Variants in HUWE1 observed in about 807,000 individuals in gnomAD.
HUWE1 encodes HECT, UBA and WWE domain containing E3 ubiquitin protein ligase 1.
Under a neutral mutation model 299.4 loss-of-function variants are expected in HUWE1, and 18 were observed. That is an observed-to-expected ratio of 0.06 (90% CI 0.04 to 0.09). The LOEUF (loss-of-function observed/expected upper bound fraction) is 0.09, where lower values mean the gene tolerates loss of function less well. Among genes scored for constraint, HUWE1 ranks in the 10% least tolerant of loss-of-function variants. HUWE1 has a pLI of 1.00. For missense variants in HUWE1, 1,832 were observed against 3,462.3 expected (o/e 0.53, Z 11.82); for synonymous variants, 1,317 against 1,286.1 (o/e 1.02, Z -0.51).
Position 53,534,177 on chromosome X carries a change from T to C in HUWE1, c.12852A>G (p.Ala4284=). ...NSIQIQWFWR[A]LRSFDQADRA... is the part of the protein sequence containing the mutation. ...GGTCAGCTTGATCGAAAGAACGCAA[T>C]GCTCTCCAGAACCACTGGATCTGTA... Residue 4284 remains alanine, a synonymous_variant, in exon 83 of 84, where the codon GCA becomes GCG. Coordinates refer to ENST00000262854, the MANE Select transcript of HUWE1 (RefSeq NM_031407.7). 4 of 1,209,959 alleles carry C rather than the reference T, an allele frequency of 3.3e-6. No individual in the cohort carries two copies. Among genetic ancestry groups the C allele is most frequent in the Non-Finnish European group, 4.5e-6 (4 of 894,456 alleles).
intron 17 of HUWE1, among the ~76,000 whole-genome samples, chrX:53,626,854 A>G: frequency 8.9e-6 from 1 of 111,753 alleles, no homozygotes; most frequent in Admixed American, 9.4e-5. Flanking sequence ...TTTCGTAAAG[A>G]CAAGATTTTT....
At chrX:53,568,477 A>G (rs2062675079) in intron 49 of HUWE1, among the ~76,000 whole-genome samples, 1 of 110,742 alleles carries the variant, frequency 9.0e-6, no homozygotes, top group Admixed American at 9.6e-5. Context: ...AGTGGGGGGA[A>G]GCTTGAAAAA....
chrX:53,619,825 A>G (rs2066029692), intron 19 of HUWE1, among the ~76,000 whole-genome samples: 1 of 111,632 alleles, frequency 9.0e-6, no homozygotes, highest in Non-Finnish European at 1.9e-5. Context: ...AGAAGAGAGT[A>G]AAGGAAGGCA....
intron 24 of HUWE1, among the ~76,000 whole-genome samples, chrX:53,608,559 G>C (rs2065271208): frequency 9.0e-6 from 1 of 111,570 alleles, no homozygotes; most frequent in Non-Finnish European, 1.9e-5. Flanking sequence ...GATTTGGGAT[G>C]ATCAGCCTGT....
chrX:53,668,538 C>T (rs900839375), intron 3 of HUWE1, among the ~76,000 whole-genome samples: 1 of 108,823 alleles, frequency 9.2e-6, no homozygotes, highest in African/African-American at 3.3e-5. Context: ...GCCTGGGAAA[C>T]AGACAGATCT....
Position 53,589,828 on chromosome X carries a change from G to C in HUWE1, c.4192-12C>G. The C allele has an allele frequency of 8.3e-7, 1 of 1,199,029 alleles. No individual in the cohort carries two copies. Among genetic ancestry groups the C allele is most frequent in the Non-Finnish European group, 1.1e-6 (1 of 887,568 alleles). Reference sequence around the variant, plus strand: ...CGGCAAGCAACTTCCTGGAAGCAGGGAAGGAAGTGTGAATAATACACAGGA... The same window carrying C: ...CGGCAAGCAACTTCCTGGAAGCAGGCAAGGAAGTGTGAATAATACACAGGA... On this transcript the variant is annotated splice_polypyrimidine_tract_variant and intron_variant, in intron 35 of 83. Transcript: ENST00000262854.
In HUWE1 at chrX:53,550,884, C is replaced by T; in HGVS notation, c.9385+17G>A. ...GCTAAAGCTTTCCAGAGCCCTCCCA[C>T]TTGCCTCCCTCTGTACCCGGGCTTC... is the stretch of plus-strand genomic sequence containing the variant. On this transcript the variant is annotated intron_variant, in intron 65 of 83. Coordinates refer to ENST00000262854, the MANE Select transcript of HUWE1 (RefSeq NM_031407.7). 8.3e-7 allele frequency: 1 copy of T among 1,211,508 alleles called. No homozygotes were observed. The highest frequency in any genetic ancestry group is 1.7e-5 in the African/African-American group (1 of 57,903).
At chrX:53,634,339 G>A in intron 7 of HUWE1, 41 bp from the exon 8 acceptor site, 2 of 1,035,285 alleles carry the variant, frequency 1.9e-6, no homozygotes, top group South Asian at 3.8e-5. Context: ...AGTGCTTATG[G>A]TGACTTTGCG....
At chrX:53,553,752 G>C (rs2147365647) in intron 61 of HUWE1, among the ~76,000 whole-genome samples, 1 of 109,866 alleles carries the variant, frequency 9.1e-6, no homozygotes, top group East Asian at 2.9e-4. Context: ...GGAGGTTGCA[G>C]TGAGCCAAGA....
chrX:53,685,020 C>T, intron 2 of HUWE1, among the ~76,000 whole-genome samples: 1 of 112,072 alleles, frequency 8.9e-6, no homozygotes, highest in Middle Eastern at 4.6e-3. Flanking sequence ...TTTAATATGG[C>T]AGTTTTTCCA....
intron 35 of HUWE1, among the ~76,000 whole-genome samples, 165 bp from the exon 36 acceptor site, chrX:53,589,981 A>T (rs1447810477): frequency 8.9e-6 from 1 of 112,156 alleles, no homozygotes; most frequent in African/African-American, 3.2e-5. Flanking sequence ...GTTTAAGGCA[A>T]GACAGGGAAG....
rs2067210850 is a variant in HUWE1 at position 53,636,391 on chromosome X, T to C, written c.505-2093A>G. Among the ~76,000 whole-genome samples, 4 of 112,606 alleles carry C rather than the reference T, an allele frequency of 3.6e-5. No individual in the cohort carries two copies. The South Asian group carries it at 1.1e-3, about 31-fold the overall frequency. The stretch of plus-strand genomic sequence containing the variant: ...GAAGTTTAAGGCAATGAGACAAGAA[T>C]CTGTAAAATACAAGGTTCGACATTC... On this transcript the variant is annotated intron_variant, in intron 7 of 83. Coordinates refer to ENST00000262854, the MANE Select transcript of HUWE1 (RefSeq NM_031407.7).
In HUWE1 at chrX:53,561,870, T is replaced by C. The variant is rs1221720423; in HGVS notation, c.7393A>G (p.Met2465Val). 8.3e-7 allele frequency: 1 copy of C among 1,209,427 alleles called. No homozygotes were observed. Among genetic ancestry groups the C allele is most frequent in the East Asian group, 3.0e-5 (1 of 33,745 alleles). ...DEDDDDDGSE[M>V]ELDEDYPDMN... is the part of the protein sequence containing the mutation. ...TCAGGATAATCCTCATCCAATTCCA[T>C]CTCAGAGCCATCGTCGTCATCGTCT... is the stretch of plus-strand genomic sequence containing the variant. The change falls in exon 55 of 84, where the codon ATG (methionine) becomes GTG (valine). Residue 2465 changes from methionine to valine, a missense_variant. By Grantham distance (21) the Met-to-Val change is conservative (BLOSUM62 1). Transcript: ENST00000262854.
chrX:53,536,015 G>A (rs2061043299), intron 80 of HUWE1, 132 bp downstream of exon 80: 1 of 455,833 alleles, frequency 2.2e-6, no homozygotes, highest in Non-Finnish European at 4.0e-6. Context: ...ACAAACACCT[G>A]CTACAGCTTT....
chrX:53,535,922 G>GTTT (rs34675759), intron 80 of HUWE1: 4,177 of 159,655 alleles, frequency 0.026, 9 homozygotes, highest in Middle Eastern at 0.041. Flanking sequence ...ATGTACTGGA[G>GTTT]TTTTTTTTTT....
At chrX:53,627,642 A>T in intron 16 of HUWE1, 97 bp downstream of exon 16, 1 of 892,967 alleles carries the variant, frequency 1.1e-6, no homozygotes. Flanking sequence ...TAGAAACAGA[A>T]GAGACTGTAA....
chrX:53,608,017 T>C (rs910886787), intron 24 of HUWE1, among the ~76,000 whole-genome samples: 1 of 111,848 alleles, frequency 8.9e-6, no homozygotes, highest in Non-Finnish European at 1.9e-5. Flanking sequence ...AATTTGCTAT[T>C]TAGTGCTCCT....
intron 56 of HUWE1, 98 bp downstream of exon 56, chrX:53,560,090 A>G (rs1367867316): frequency 3.3e-5 from 23 of 702,040 alleles, no homozygotes; most frequent in Non-Finnish European, 4.6e-5. Context: ...CAAGAACATT[A>G]AGTGATGGAC....
chrX:53,601,957 C>A (rs1950836887), intron 28 of HUWE1, among the ~76,000 whole-genome samples: 1 of 111,092 alleles, frequency 9.0e-6, no homozygotes, highest in Non-Finnish European at 1.9e-5. Flanking sequence ...GCGTGAGCCA[C>A]CGAGCCCGGC....
Sources: allele counts gnomAD v4.1 joint callset (sites outside exome capture counted in the v4.1 genomes callset), GRCh38; gene constraint gnomAD v4.1.1; transcripts MANE v1.5; gene names NCBI Gene and HGNC (gene_info 2026-07-23, HGNC 2026-07-21).